BOP1: variants seen among roughly 807,000 people sequenced by gnomAD.
The protein encoded by BOP1 is BOP1 ribosomal biogenesis factor, also known as ribosome biogenesis protein BOP1.
In BOP1, 54 loss-of-function variants were observed where a neutral mutation model predicts 82.9. That is an observed-to-expected ratio of 0.65 (90% CI 0.52 to 0.82). The LOEUF is 0.82. Ranked by LOEUF, BOP1 falls within the 40% of genes least tolerant of loss-of-function variation. The pLI is 0.00. For synonymous variants in BOP1, 566 were observed against 451.1 expected, an observed-to-expected ratio of 1.25 and a Z score of -3.23; for missense variants, 1,170 against 1,072.0, an observed-to-expected ratio of 1.09 and a Z score of -1.28.
At chr8:144,279,236 C>T (rs1168841773) in intron 2 of BOP1, among the ~76,000 whole-genome samples, 2 of 152,020 alleles carry the variant, frequency 1.3e-5, no homozygotes, top group African/African-American at 4.8e-5. Flanking sequence ...ACGACCGCCA[C>T]AGGCCCTAAG....
At chr8:144,264,681 C>A in intron 5 of BOP1, 33 bp downstream of exon 5, 1 of 1,563,950 alleles carries the variant, frequency 6.4e-7, no homozygotes, top group Admixed American at 1.9e-5. Context: ...CTCCAGGACC[C>A]CCGCCGCCCA....
rs1845211207 is a variant in BOP1, at chr8:144,262,298, A to C, written c.2107T>G (p.Leu703Val). The change falls in exon 16 of 16, where the codon TTG becomes GTG. Residue 703 changes from leucine to valine, a missense_variant. Coordinates refer to ENST00000569669, the MANE Select transcript of BOP1 (RefSeq NM_015201.5). ...TTCAGCACCTTGACGGGCACCAGCA[A>C]GGGGTTCTGCAGAAGGTCACTGTGG... ...MVYNDLLQNP[L>V]LVPVKVLKGH... 4.3e-6 allele frequency: 7 copies of C among 1,612,834 alleles called. No homozygotes were observed. The highest frequency in any genetic ancestry group is 4.0e-5 in the African/African-American group (3 of 75,006).
At chr8:144,284,341 G>A (rs1418279458) in intron 2 of BOP1, among the ~76,000 whole-genome samples, 1 of 152,124 alleles carries the variant, frequency 6.6e-6, no homozygotes, top group Non-Finnish European at 1.5e-5. Context: ...AATTCTCTTG[G>A]AATTTTCCCC....
At chr8:144,272,656 G>A (rs1278596364) in intron 3 of BOP1, among the ~76,000 whole-genome samples, 1 of 152,048 alleles carries the variant, frequency 6.6e-6, no homozygotes, top group Non-Finnish European at 1.5e-5. Flanking sequence ...CACCCTTGCA[G>A]CCCACAAGCA....
chr8:144,266,363 C>T (rs1845363121), intron 3 of BOP1, among the ~76,000 whole-genome samples: 2 of 151,616 alleles, frequency 1.3e-5, no homozygotes, highest in South Asian at 4.2e-4. Flanking sequence ...GCGGGCGCTG[C>T]TCGAGGAGCC....
chr8:144,276,563 G>A (rs1845570501), intron 2 of BOP1, among the ~76,000 whole-genome samples: 1 of 152,168 alleles, frequency 6.6e-6, no homozygotes, highest in Admixed American at 6.5e-5. Context: ...TCCCTGGGCT[G>A]ACACGGGTGT....
Position 144,266,654 on chromosome 8 carries a change from A to G in BOP1, c.391-1583T>C, listed in dbSNP as rs1588591044. 3.2e-6 allele frequency: 4 copies of G among 1,252,850 alleles called. No individual in the cohort carries two copies. The South Asian group carries it at 4.3e-5, about 13-fold the overall frequency. The allele number at this position is 1,252,850 out of a possible 1,614,324, so 77.6% of individuals were successfully genotyped here. A position where few individuals can be genotyped will look rare whatever the true frequency, so the allele number is the denominator to read the frequency against. On this transcript the variant is annotated intron_variant, in intron 3 of 15. Transcript: ENST00000569669. Reference sequence around the variant, plus strand: ...CTGCGCCCGGCGCCGCCGGGCCGCTACCTGTACCCCGAGGTGAGCCCGCTG... The same window carrying G: ...CTGCGCCCGGCGCCGCCGGGCCGCTGCCTGTACCCCGAGGTGAGCCCGCTG...
chr8:144,291,245 C>A lies in BOP1; in HGVS notation c.99+27G>T. On this transcript the variant is annotated intron_variant, in intron 1 of 15. Coordinates refer to ENST00000569669, the MANE Select transcript of BOP1 (RefSeq NM_015201.5). The surrounding 1 kb of genome is among the most constrained non-coding windows in gnomAD (Gnocchi z 4.1). The stretch of plus-strand genomic sequence containing the variant: ...CCCGCCGGGCCCTCTAGGGACGCGC[C>A]CCGCCGCCCCGCATCGCCACAGTCA... 6.9e-7 allele frequency: 1 copy of A among 1,442,324 alleles called. No homozygotes were observed. The highest frequency in any genetic ancestry group is 2.7e-5 in the Admixed American group (1 of 37,312). The allele number at this position is 1,442,324 out of a possible 1,614,324, so 89.3% of individuals were successfully genotyped here. A position where few individuals can be genotyped will look rare whatever the true frequency, so the allele number is the denominator to read the frequency against.
intron 2 of BOP1, 94 bp from the exon 3 acceptor site, chr8:144,276,398 T>A: frequency 7.2e-7 from 1 of 1,391,472 alleles, no homozygotes; most frequent in South Asian, 1.2e-5. Context: ...CCGAAATCTC[T>A]GAGCAGCTCC....
rs1292238465 is a variant in BOP1 at position 144,281,354 on chromosome 8, C to T, written c.310-5050G>A. Among the ~76,000 whole-genome samples, 20 of 4,194 alleles carry T rather than the reference C, an allele frequency of 4.8e-3. 2 individuals are homozygous for T. The highest frequency in any genetic ancestry group is 0.02 in the African/African-American group (20 of 996). 2.8% of individuals were successfully genotyped at this position (4,194 alleles called of 152,430 possible). A position where few individuals can be genotyped will look rare whatever the true frequency, so the allele number is the denominator to read the frequency against. On this transcript the variant is annotated intron_variant, in intron 2 of 15. Transcript: ENST00000569669. ...GTTTAATACCAGGTCTTCGGCCTTC[C>T]CTCAGTTTAATACCAGGTCTTCGGC...
rs930422206 is a variant in BOP1, at chr8:144,264,851, C to T, written c.546-20G>A. 10 of 1,608,494 alleles carry T rather than the reference C, an allele frequency of 6.2e-6. No individual in the cohort carries two copies. Among genetic ancestry groups the T allele is most frequent in the Non-Finnish European group, 8.5e-6 (10 of 1,178,898 alleles). On this transcript the variant is annotated intron_variant, in intron 4 of 15. Transcript: ENST00000569669. Reference sequence around the variant, plus strand: ...GTGCGCCTGGAGACCGCCAGTCAGACCCCGCCAGCCCTGCCCCACCCCTCG... The same window carrying T: ...GTGCGCCTGGAGACCGCCAGTCAGATCCCGCCAGCCCTGCCCCACCCCTCG...
rs114512296 is a variant in BOP1 at position 144,283,942 on chromosome 8, A to C, written c.309+5153T>G. Among the ~76,000 whole-genome samples, 1,438 of 152,186 alleles carry C rather than the reference A, an allele frequency of 9.4e-3. 38 individuals carry two copies. Among genetic ancestry groups the C allele is most frequent in the African/African-American group, 0.033 (1,387 of 41,520 alleles). ...AGACCAGCTCAGCCAACATGGTGAA[A>C]CCCGTCTCTCCTAAAAATACAGACA... On this transcript the variant is annotated intron_variant, in intron 2 of 15. Transcript: ENST00000569669.
chr8:144,274,575 C>T (rs910575715), intron 3 of BOP1, among the ~76,000 whole-genome samples: 3 of 152,230 alleles, frequency 2.0e-5, no homozygotes, highest in Non-Finnish European at 2.9e-5. Flanking sequence ...GCCGCCCCCT[C>T]GAGCCACTGG....
chr8:144,267,291 G>C, intron 3 of BOP1: 1 of 1,284,658 alleles, frequency 7.8e-7, no homozygotes. Context: ...ACAGGGCACA[G>C]GCAGGCACAC....
At position 144,262,861 on chromosome 8, in the gene BOP1, T is replaced by A; in HGVS notation, c.1886A>T (p.His629Leu). 1 of 1,336,168 alleles carries A rather than the reference T, an allele frequency of 7.5e-7. No homozygotes were observed. The highest frequency in any genetic ancestry group is 9.7e-7 in the Non-Finnish European group (1 of 1,027,802). The allele number at this position is 1,336,168 out of a possible 1,614,324, so 82.8% of individuals were successfully genotyped here. The change falls in exon 13 of 16, where the codon CAC becomes CTC. Residue 629 changes from histidine to leucine, a missense_variant. Coordinates refer to ENST00000569669, the MANE Select transcript of BOP1 (RefSeq NM_015201.5). The part of the protein sequence containing the change: ...NCKWVSSLAV[H>L]PAGDNVICGS... The stretch of plus-strand genomic sequence containing the variant: ...CCGCCCCCACCCCTCACCTGCAGGG[T>A]GCACCGCCAGGCTGGACACCCACTT...
chr8:144,262,557 G>A (rs1845231902), intron 14 of BOP1, 31 bp downstream of exon 14: 1 of 1,613,028 alleles, frequency 6.2e-7, no homozygotes, highest in East Asian at 2.2e-5. Flanking sequence ...GAGGGGCTCT[G>A]CTGGCCGCCT....
intron 13 of BOP1, 34 bp downstream of exon 13, chr8:144,262,819 C>A: frequency 9.7e-7 from 1 of 1,026,352 alleles, no homozygotes; most frequent in Non-Finnish European, 1.3e-6. Flanking sequence ...CCCCCCACCC[C>A]TCACCTGCAG....
At chr8:144,275,505 G>C (rs935075668) in intron 3 of BOP1, among the ~76,000 whole-genome samples, 1 of 150,780 alleles carries the variant, frequency 6.6e-6, no homozygotes. Flanking sequence ...CTCCACGCTG[G>C]CGGAGCCCAG....
intron 2 of BOP1, among the ~76,000 whole-genome samples, chr8:144,282,418 C>T (rs1845699627): frequency 6.6e-6 from 1 of 152,152 alleles, no homozygotes; most frequent in Non-Finnish European, 1.5e-5. Flanking sequence ...GACTGCCAGG[C>T]CCAAGGCAGG....
Sources: gnomAD v4.1 joint callset for allele counts (sites outside exome capture counted in the v4.1 genomes callset) on GRCh38, gnomAD v4.1.1 for gene constraint, Gnocchi (gnomAD v3.1) non-coding constraint, MANE v1.5 for transcripts, NCBI Gene and HGNC (gene_info 2026-07-23, HGNC 2026-07-21) for gene names.